Variants in SYN3 observed in about 807,000 individuals in gnomAD.
SYN3 encodes synapsin III, also known as synapsin-3.
In SYN3, 35 loss-of-function variants were observed where a neutral mutation model predicts 65.8. The observed-to-expected ratio is 0.53, with a 90% CI of 0.41 to 0.70. The LOEUF is 0.70. Ranked by LOEUF, SYN3 falls within the 30% of genes least tolerant of loss-of-function variation. The pLI is 0.00. For missense variants in SYN3, 680 were observed against 749.0 expected (o/e 0.91, Z 1.08); for synonymous variants, 270 against 292.9 (o/e 0.92, Z 0.80).
intron 6 of SYN3, among the ~76,000 whole-genome samples, chr22:32,616,999 G>A (rs1445267217): frequency 6.6e-6 from 1 of 152,128 alleles, no homozygotes; most frequent in Non-Finnish European, 1.5e-5. Flanking sequence ...GGGATGGAAG[G>A]TCAATGGAAG....
At chr22:32,553,095 T>C (rs185939250) in intron 7 of SYN3, among the ~76,000 whole-genome samples, 2 of 152,138 alleles carry the variant, frequency 1.3e-5, no homozygotes, top group Non-Finnish European at 2.9e-5. Flanking sequence ...AGGACCCTCA[T>C]CCCATCATGA....
Position 32,830,661 on chromosome 22 carries a change from C to G in SYN3, c.711+34254G>C, listed in dbSNP as rs543515630. ...AACACCAGAGGGATCCACAGGGCCACCCCCCCGCCCCCGCAATACCACTGT... is the reference window on the plus strand; with the variant it reads ...AACACCAGAGGGATCCACAGGGCCAGCCCCCCGCCCCCGCAATACCACTGT... On this transcript the variant is annotated intron_variant, in intron 6 of 13. Transcript: ENST00000358763. 2.1e-3 allele frequency among the ~76,000 whole-genome samples: 317 copies of G among 148,828 alleles called. 1 individual carries two copies. The highest frequency in any genetic ancestry group is 8.1e-3 in the African/African-American group (311 of 38,424).
chr22:32,711,723 C>T (rs2060968895), intron 6 of SYN3, among the ~76,000 whole-genome samples: 1 of 152,242 alleles, frequency 6.6e-6, no homozygotes, highest in Non-Finnish European at 1.5e-5. Flanking sequence ...TGGGTATCAT[C>T]CATCACTTTC....
At chr22:32,718,434 G>A (rs2061069023) in intron 6 of SYN3, among the ~76,000 whole-genome samples, 1 of 151,432 alleles carries the variant, frequency 6.6e-6, no homozygotes, top group Non-Finnish European at 1.5e-5. Flanking sequence ...GACCCGAGGT[G>A]TGCCCCTGAC....
At chr22:32,582,209 T>C (rs1208216782) in intron 7 of SYN3, among the ~76,000 whole-genome samples, 1 of 152,200 alleles carries the variant, frequency 6.6e-6, no homozygotes, top group Non-Finnish European at 1.5e-5. Context: ...TTCTGACTCA[T>C]GGTAATGCCT....
In SYN3 at chr22:32,801,918, C is replaced by T; in HGVS notation, c.711+62997G>A. On this transcript the variant is annotated intron_variant, in intron 6 of 13. Coordinates refer to ENST00000358763, the MANE Select transcript of SYN3 (RefSeq NM_003490.4). This position sits in a 1 kb window ranked among gnomAD's most constrained non-coding sequence, Gnocchi z 4.7. ...GCACGGCCCGGCGGGCGAGCGAGCT[C>T]GGGCTGCAGCAGCCCCGCCGGCGGC... 1.4e-6 allele frequency: 2 copies of T among 1,468,552 alleles called. No individual in the cohort carries two copies. Among genetic ancestry groups the T allele is most frequent in the South Asian group, 1.3e-5 (1 of 76,582 alleles). The allele number at this position is 1,468,552 out of a possible 1,614,324, so 91.0% of individuals were successfully genotyped here. A position where few individuals can be genotyped will look rare whatever the true frequency, so the allele number is the denominator to read the frequency against.
chr22:32,527,213 C>T (rs1308992547), intron 12 of SYN3, among the ~76,000 whole-genome samples: 4 of 152,158 alleles, frequency 2.6e-5, no homozygotes, highest in Admixed American at 2.6e-4. Flanking sequence ...TCATCAGGCA[C>T]CACTCATTGA....
At chr22:32,685,275 A>G (rs1362685693) in intron 6 of SYN3, among the ~76,000 whole-genome samples, 1 of 123,262 alleles carries the variant, frequency 8.1e-6, no homozygotes, top group East Asian at 2.4e-4. Context: ...AACTTCTTCA[A>G]GGAGTTTTTC....
At chr22:32,950,383 T>A (rs1036112107) in intron 3 of SYN3, among the ~76,000 whole-genome samples, 1 of 152,118 alleles carries the variant, frequency 6.6e-6, no homozygotes, top group African/African-American at 2.4e-5. Context: ...CGGGGGTGAT[T>A]CTGGCCTCCA....
At chr22:32,632,013 G>A (rs2059753540) in intron 6 of SYN3, among the ~76,000 whole-genome samples, 1 of 152,154 alleles carries the variant, frequency 6.6e-6, no homozygotes, top group South Asian at 2.1e-4. Context: ...GCCAGGATCT[G>A]TGGGTTTACT....
rs1452782607 is a variant in SYN3 at position 32,837,347 on chromosome 22, C to T, written c.711+27568G>A. On this transcript the variant is annotated intron_variant, in intron 6 of 13. Transcript: ENST00000358763. This position sits in a 1 kb window ranked among gnomAD's most constrained non-coding sequence, Gnocchi z 4.1. ...AGGGGGTGGTCTCAGCCCCCCTCAC[C>T]GAGTGCACTTGCATGGCAGTAAGCA... Among the ~76,000 whole-genome samples, 2 of 152,242 alleles carry T rather than the reference C, an allele frequency of 1.3e-5. No homozygotes were observed. The highest frequency in any genetic ancestry group is 2.4e-5 in the African/African-American group (1 of 41,522).
In SYN3 at chr22:32,987,536, T is replaced by C. The variant is rs150356566; in HGVS notation, c.312-6834A>G. ...AATGGTGCAGCCTCTCAGTCCTCCATGCAATTAGCAAGGTCCAATGAACTA... is the reference window on the plus strand; with the variant it reads ...AATGGTGCAGCCTCTCAGTCCTCCACGCAATTAGCAAGGTCCAATGAACTA... On this transcript the variant is annotated intron_variant, in intron 2 of 13. Coordinates refer to ENST00000358763, the MANE Select transcript of SYN3 (RefSeq NM_003490.4). Among the ~76,000 whole-genome samples the C allele has an allele frequency of 2.6e-3, 395 of 152,222 alleles. 10 individuals carry two copies. The highest frequency in any genetic ancestry group is 0.02 in the Admixed American group (300 of 15,286).
intron 2 of SYN3, among the ~76,000 whole-genome samples, chr22:33,001,675 C>G (rs1370183849): frequency 2.0e-5 from 3 of 152,228 alleles, no homozygotes; most frequent in African/African-American, 7.2e-5. Flanking sequence ...TACTTACTGT[C>G]TACCAGGCAC....
intron 6 of SYN3, among the ~76,000 whole-genome samples, chr22:32,769,059 C>T (rs938195421): frequency 2.0e-5 from 3 of 152,162 alleles, no homozygotes; most frequent in African/African-American, 7.2e-5. Flanking sequence ...ATGCTCCACC[C>T]ACATCTCCTC....
intron 1 of SYN3, among the ~76,000 whole-genome samples, chr22:33,016,811 A>G (rs2053475472): frequency 6.6e-6 from 1 of 152,146 alleles, no homozygotes; most frequent in Non-Finnish European, 1.5e-5. Flanking sequence ...TTAGCCCCTT[A>G]TCAGATGTAT....
At chr22:32,576,987 C>G (rs1601676186) in intron 7 of SYN3, among the ~76,000 whole-genome samples, 1 of 152,110 alleles carries the variant, frequency 6.6e-6, no homozygotes, top group East Asian at 1.9e-4. Flanking sequence ...GTCTCACTTT[C>G]TCTTCCTGGC....
chr22:32,677,750 G>C (rs1418381515), intron 6 of SYN3, among the ~76,000 whole-genome samples: 1 of 151,804 alleles, frequency 6.6e-6, no homozygotes, highest in Non-Finnish European at 1.5e-5. Flanking sequence ...GCAGTGAGCC[G>C]ACATCGCACC....
rs1275143550 is a variant in SYN3, at chr22:32,510,575, AG to A, written c.*3116del. Among the ~76,000 whole-genome samples the A allele has an allele frequency of 6.6e-6, 1 of 152,194 alleles. No homozygotes were observed. The highest frequency in any genetic ancestry group is 2.4e-5 in the African/African-American group (1 of 41,450). Reference sequence around the variant, plus strand: ...CAAGTTTTCTCTTACCCGTTTATTCAGGATGTCACACAGCATTATTTATTAA... The same window carrying A: ...CAAGTTTTCTCTTACCCGTTTATTCAGATGTCACACAGCATTATTTATTAA... On this transcript the variant is annotated 3_prime_UTR_variant, in exon 14 of 14. Transcript: ENST00000358763.
chr22:32,854,826 T>C (rs1311804015), intron 6 of SYN3, among the ~76,000 whole-genome samples: 4 of 152,122 alleles, frequency 2.6e-5, no homozygotes, highest in Non-Finnish European at 5.9e-5. Flanking sequence ...AGGAAGACCA[T>C]CTGAGTCCAT....
Sources: allele counts gnomAD v4.1 joint callset (sites outside exome capture counted in the v4.1 genomes callset), GRCh38; gene constraint gnomAD v4.1.1; non-coding constraint Gnocchi (gnomAD v3.1); transcripts MANE v1.5; gene names NCBI Gene and HGNC (gene_info 2026-07-23, HGNC 2026-07-21).